GNG12: variants seen among roughly 807,000 people sequenced by gnomAD.
The protein encoded by GNG12 is guanine nucleotide-binding protein G(I)/G(S)/G(O) subunit gamma-12.
For missense variants in GNG12, 69 were observed against 83.8 expected (o/e 0.82, Z 0.69); for synonymous variants, 28 against 29.7 (o/e 0.94, Z 0.19).
chr1:67,799,253 C>T (rs1646850900), intron 1 of GNG12, among the ~76,000 whole-genome samples: 1 of 152,146 alleles, frequency 6.6e-6, no homozygotes, highest in African/African-American at 2.4e-5. Flanking sequence ...CATGGCTACC[C>T]ATTTTTACCA....
chr1:67,810,808 T>C (rs1451918939), intron 1 of GNG12, among the ~76,000 whole-genome samples: 1 of 152,184 alleles, frequency 6.6e-6, no homozygotes, highest in Non-Finnish European at 1.5e-5. Context: ...ATGACCGCAA[T>C]GATGACTGAT....
At chr1:67,827,892 T>C (rs1051411533) in intron 1 of GNG12, among the ~76,000 whole-genome samples, 1 of 152,192 alleles carries the variant, frequency 6.6e-6, no homozygotes, top group African/African-American at 2.4e-5. Context: ...TGACATCAGA[T>C]ATGATTTTCA....
Position 67,741,269 on chromosome 1 carries a change from C to T in GNG12, c.-26-33557G>A, listed in dbSNP as rs140893847. On this transcript the variant is annotated intron_variant, in intron 2 of 3. Transcript: ENST00000370982. Reference sequence around the variant, plus strand: ...CTCTGGCCTTTGGGAGAAATAAACACGTCAGAGTTCCTGGCCATTCTGATT... The same window carrying T: ...CTCTGGCCTTTGGGAGAAATAAACATGTCAGAGTTCCTGGCCATTCTGATT... Among the ~76,000 whole-genome samples, 748 of 152,344 alleles carry T rather than the reference C, an allele frequency of 4.9e-3. 7 individuals carry two copies. The highest frequency in any genetic ancestry group is 0.017 in the African/African-American group (711 of 41,584).
At chr1:67,783,042 A>G (rs1275131979) in intron 1 of GNG12, among the ~76,000 whole-genome samples, 1 of 152,196 alleles carries the variant, frequency 6.6e-6, no homozygotes, top group Non-Finnish European at 1.5e-5. Flanking sequence ...CCTAAAGTGT[A>G]AAATAGGGCT....
At chr1:67,757,580 G>A (rs1049324588) in intron 2 of GNG12, among the ~76,000 whole-genome samples, 2 of 152,126 alleles carry the variant, frequency 1.3e-5, no homozygotes, top group African/African-American at 4.8e-5. Flanking sequence ...AGGGCCAAAG[G>A]GACTATCACA....
intron 1 of GNG12, among the ~76,000 whole-genome samples, chr1:67,827,676 C>T (rs1647019119): frequency 7.2e-6 from 1 of 139,786 alleles, no homozygotes. Flanking sequence ...CCACCCGCCT[C>T]GGCCTCCCAA....
At chr1:67,788,670 C>T (rs918147273) in intron 1 of GNG12, among the ~76,000 whole-genome samples, 1 of 152,114 alleles carries the variant, frequency 6.6e-6, no homozygotes, top group South Asian at 2.1e-4. Flanking sequence ...GAAAATCTTC[C>T]TAAAATAAAT....
chr1:67,744,613 T>C (rs1018830142), intron 2 of GNG12, among the ~76,000 whole-genome samples: 42 of 152,200 alleles, frequency 2.8e-4, no homozygotes, highest in African/African-American at 9.9e-4. Context: ...ATCACACATA[T>C]GTGACTGCTA....
At chr1:67,756,462 C>G (rs1023570801) in intron 2 of GNG12, among the ~76,000 whole-genome samples, 2 of 152,138 alleles carry the variant, frequency 1.3e-5, no homozygotes, top group African/African-American at 2.4e-5. Context: ...AATGTCAGGC[C>G]TGGGTTTTCA....
intron 1 of GNG12, among the ~76,000 whole-genome samples, chr1:67,783,433 A>G (rs1366532908): frequency 6.6e-6 from 1 of 152,178 alleles, no homozygotes; most frequent in Non-Finnish European, 1.5e-5. Context: ...CAGCAAAATA[A>G]TGCACAGTTC....
chr1:67,716,863 C>G (rs1285348718), intron 2 of GNG12, among the ~76,000 whole-genome samples: 1 of 152,276 alleles, frequency 6.6e-6, no homozygotes, highest in East Asian at 1.9e-4. Flanking sequence ...ACAACTGCCC[C>G]AGATTCTACA....
intron 1 of GNG12, among the ~76,000 whole-genome samples, chr1:67,807,061 T>C (rs1403023508): frequency 1.3e-5 from 2 of 152,122 alleles, no homozygotes; most frequent in African/African-American, 4.8e-5. Context: ...TTAACAAATT[T>C]AAAAGGATAT....
intron 1 of GNG12, among the ~76,000 whole-genome samples, chr1:67,802,718 C>T (rs1646873685): frequency 6.6e-6 from 1 of 152,208 alleles, no homozygotes; most frequent in African/African-American, 2.4e-5. Flanking sequence ...ACACACTACC[C>T]TCTGCCCCTG....
At chr1:67,793,165 T>C (rs769337204) in intron 1 of GNG12, among the ~76,000 whole-genome samples, 3 of 152,328 alleles carry the variant, frequency 2.0e-5, no homozygotes, top group African/African-American at 4.8e-5. Context: ...CTTTTATATA[T>C]AAGACTTTGG....
chr1:67,724,746 C>T (rs533882240), intron 2 of GNG12, among the ~76,000 whole-genome samples: 110 of 152,242 alleles, frequency 7.2e-4, no homozygotes, highest in African/African-American at 2.5e-3. Flanking sequence ...GTGATAGAAA[C>T]TATAAGAGTA....
intron 2 of GNG12, among the ~76,000 whole-genome samples, chr1:67,770,639 C>G (rs1000304794): frequency 1.3e-5 from 2 of 152,206 alleles, no homozygotes; most frequent in East Asian, 1.9e-4. Context: ...AGAGAACCAC[C>G]CAAATCCCGG....
rs191014317 is a variant in GNG12, at chr1:67,777,749, T to C, written c.-76-242A>G. On this transcript the variant is annotated intron_variant, in intron 1 of 3. Transcript: ENST00000370982. ...TCAAAGTCTGAGGCCAGCGTAACTA[T>C]AAATGGTAGTGTTTTTTCCAAACCT... 2.0e-5 allele frequency among the ~76,000 whole-genome samples: 3 copies of C among 152,296 alleles called. No homozygotes were observed. In the East Asian group the frequency reaches 5.8e-4, roughly 29 times the overall value.
At chr1:67,743,438 C>A (rs1464313362) in intron 2 of GNG12, among the ~76,000 whole-genome samples, 5 of 152,192 alleles carry the variant, frequency 3.3e-5, no homozygotes, top group African/African-American at 9.7e-5. Context: ...CTCCATACAG[C>A]AAATGACAGA....
chr1:67,730,061 A>G (rs1470554189), intron 2 of GNG12, among the ~76,000 whole-genome samples: 1 of 152,218 alleles, frequency 6.6e-6, no homozygotes, highest in Non-Finnish European at 1.5e-5. Flanking sequence ...TTCAAATGGA[A>G]ACTGCCCAAA....
Sources: gnomAD v4.1 joint callset for allele counts (sites outside exome capture counted in the v4.1 genomes callset) on GRCh38, gnomAD v4.1.1 for gene constraint, MANE v1.5 for transcripts, NCBI Gene and HGNC (gene_info 2026-07-23, HGNC 2026-07-21) for gene names.